The following LRCH1 variants were observed in gnomAD, a reference collection of about 807,000 sequenced individuals.
LRCH1 encodes leucine-rich repeat and calponin homology domain-containing protein 1.
A neutral mutation model predicts 94.9 loss-of-function variants in LRCH1; 23 were observed. The observed-to-expected ratio is 0.24, with a 90% CI of 0.17 to 0.34. The LOEUF (loss-of-function observed/expected upper bound fraction) is 0.34, where lower values mean the gene tolerates loss of function less well. LRCH1 is among the 10% of genes least tolerant of loss of function. The probability of loss-of-function intolerance (pLI) is 1.00; values close to 1 mark genes in which losing one functional copy is unlikely to be tolerated. For synonymous variants in LRCH1, 364 were observed against 354.9 expected (o/e 1.03, Z -0.29); for missense variants, 790 against 945.9 (o/e 0.84, Z 2.16).
In LRCH1 at chr13:46,573,845, A is replaced by AATATATATATATATATATATATAT. The variant is rs1555269134; in HGVS notation, c.307+20164_307+20165insATATATATATATATATATATATAT. On this transcript the variant is annotated intron_variant, in intron 1 of 19. Transcript: ENST00000389797. ...TAGCACAACAGGGTGACTATAGTCA[A>AATATATATATATATATATATATAT]ATATATATATATATATATATATTTT... is the stretch of plus-strand genomic sequence containing the variant. Among the ~76,000 whole-genome samples, 134 of 77,886 alleles carry AATATATATATATATATATATATAT rather than the reference A, an allele frequency of 1.7e-3. 3 individuals carry two copies. Among genetic ancestry groups the AATATATATATATATATATATATAT allele is most frequent in the Middle Eastern group, 7.4e-3 (1 of 136 alleles). The allele number at this position is 77,886 out of a possible 152,430, so 51.1% of individuals were successfully genotyped here.
At chr13:46,666,643 A>T (rs2051520211) in intron 2 of LRCH1, among the ~76,000 whole-genome samples, 1 of 152,258 alleles carries the variant, frequency 6.6e-6, no homozygotes, top group Admixed American at 6.5e-5. Context: ...CCAAATAAAT[A>T]GACTTGCCTT....
intron 1 of LRCH1, among the ~76,000 whole-genome samples, chr13:46,566,601 G>A (rs2050187283): frequency 6.6e-6 from 1 of 152,112 alleles, no homozygotes; most frequent in Non-Finnish European, 1.5e-5. Flanking sequence ...TTGTAAGCCA[G>A]TAGTAAGACA....
chr13:46,719,722 G>C (rs553036603), intron 16 of LRCH1, among the ~76,000 whole-genome samples: 1 of 152,328 alleles, frequency 6.6e-6, no homozygotes, highest in Admixed American at 6.5e-5. Flanking sequence ...TTTATGCTGG[G>C]TGCAGTAGCT....
chr13:46,574,821 G>GT lies in LRCH1; in HGVS notation c.307+21118_307+21119insT, dbSNP rs1566151493. Among the ~76,000 whole-genome samples the GT allele has an allele frequency of 1.1e-3, 149 of 134,494 alleles. 1 individual carries two copies. The highest frequency in any genetic ancestry group is 4.4e-3 in the South Asian group (19 of 4,294). 88.2% of individuals were successfully genotyped at this position (134,494 alleles called of 152,430 possible). A position where few individuals can be genotyped will look rare whatever the true frequency, so the allele number is the denominator to read the frequency against. The stretch of plus-strand genomic sequence containing the variant: ...TTGTCTGGCATTTATTTGTGTGTGG[G>GT]GTTTTTTTTTTTTTTTTTTTTTTTT... On this transcript the variant is annotated intron_variant, in intron 1 of 19. Coordinates refer to ENST00000389797, the MANE Select transcript of LRCH1 (RefSeq NM_001164211.2).
At position 46,744,616 on chromosome 13, in the gene LRCH1, G is replaced by C; in HGVS notation, c.*2768G>C. 1.0e-6 allele frequency: 1 copy of C among 985,412 alleles called. No homozygotes were observed. The highest frequency in any genetic ancestry group is 1.2e-6 in the Non-Finnish European group (1 of 829,930). 61.0% of individuals were successfully genotyped at this position (985,412 alleles called of 1,614,324 possible). A position where few individuals can be genotyped will look rare whatever the true frequency, so the allele number is the denominator to read the frequency against. On this transcript the variant is annotated 3_prime_UTR_variant, in exon 20 of 20. Transcript: ENST00000389797. The stretch of plus-strand genomic sequence containing the variant: ...GATAAATAAAGGCACTTGATAGCCT[G>C]CTGCTATTTGTTTGTAAGAAATTAA...
At chr13:46,730,449 C>T (rs937470083) in intron 18 of LRCH1, among the ~76,000 whole-genome samples, 38 of 152,188 alleles carry the variant, frequency 2.5e-4, no homozygotes, top group African/African-American at 8.7e-4. Flanking sequence ...CCTCCGCCCT[C>T]TCCCATCCCC....
chr13:46,609,905 T>C (rs901482979), intron 1 of LRCH1, among the ~76,000 whole-genome samples: 5 of 152,126 alleles, frequency 3.3e-5, no homozygotes, highest in South Asian at 2.1e-4. Context: ...AGGGGCCCCA[T>C]TGGAAGCGTT....
intron 1 of LRCH1, among the ~76,000 whole-genome samples, chr13:46,577,642 C>T (rs546278407): frequency 6.6e-6 from 1 of 152,258 alleles, no homozygotes; most frequent in Non-Finnish European, 1.5e-5. Context: ...CAGCAACTAG[C>T]TTTTTTTGTA....
At chr13:46,638,632 A>C (rs1156519831) in intron 1 of LRCH1, among the ~76,000 whole-genome samples, 1 of 152,258 alleles carries the variant, frequency 6.6e-6, no homozygotes, top group African/African-American at 2.4e-5. Context: ...AAGTCTTTAA[A>C]AATATACTGA....
intron 3 of LRCH1, among the ~76,000 whole-genome samples, chr13:46,677,631 ACT>A (rs1229790990): frequency 6.6e-6 from 1 of 151,796 alleles, no homozygotes; most frequent in African/African-American, 2.4e-5. Context: ...ACTTCTAGAG[ACT>A]CTTTTTATTG....
chr13:46,710,184 A>T lies in LRCH1; in HGVS notation c.1528-1607A>T, dbSNP rs147759385. Among the ~76,000 whole-genome samples, 69 of 152,226 alleles carry T rather than the reference A, an allele frequency of 4.5e-4. No homozygotes were observed. The East Asian group carries it at 9.6e-3, about 21-fold the overall frequency. On this transcript the variant is annotated intron_variant, in intron 13 of 19. Coordinates refer to ENST00000389797, the MANE Select transcript of LRCH1 (RefSeq NM_001164211.2). ...TTAGATGTTGAAAAATTTGCAGAAG[A>T]AATAAGATGGTCTGCAGTCCTGAGC...
At chr13:46,733,658 A>C (rs1308488388) in intron 18 of LRCH1, among the ~76,000 whole-genome samples, 1 of 152,164 alleles carries the variant, frequency 6.6e-6, no homozygotes, top group Non-Finnish European at 1.5e-5. Context: ...CTATATATAT[A>C]TACATAGGCA....
rs767358647 is a variant in LRCH1 at position 46,681,801 on chromosome 13, C to A, written c.640C>A (p.Arg214=). 1 of 1,613,224 alleles carries A rather than the reference C, an allele frequency of 6.2e-7. No homozygotes were observed. The highest frequency in any genetic ancestry group is 1.3e-5 in the African/African-American group (1 of 74,830). Residue 214 remains arginine, a synonymous_variant, in exon 4 of 20, where the codon CGA becomes AGA. Transcript: ENST00000389797. ...PQQIGQLKSL[R]ELNVRRNYLK... The stretch of plus-strand genomic sequence containing the variant: ...GCAGATAGGTCAGTTGAAATCTCTA[C>A]GAGAACTGAATGTCAGAAGAAATTA...
At chr13:46,683,313 G>A (rs1442707638) in intron 4 of LRCH1, among the ~76,000 whole-genome samples, 1 of 152,188 alleles carries the variant, frequency 6.6e-6, no homozygotes, top group East Asian at 1.9e-4. Context: ...GTTCAAGTCC[G>A]CTTGCCATCT....
chr13:46,619,197 C>T (rs553964275), intron 1 of LRCH1, among the ~76,000 whole-genome samples: 1 of 151,882 alleles, frequency 6.6e-6, no homozygotes, highest in South Asian at 2.1e-4. Context: ...GCAACCTCTG[C>T]CTCCCAGGTT....
At chr13:46,582,218 G>C (rs7330995) in intron 1 of LRCH1, among the ~76,000 whole-genome samples, 3,875 of 150,586 alleles carry the variant, frequency 0.026, 163 homozygotes, top group African/African-American at 0.089. Context: ...TCATGATCTT[G>C]ACAATTTAAA....
At chr13:46,678,067 A>C (rs1041156835) in intron 3 of LRCH1, among the ~76,000 whole-genome samples, 10 of 152,230 alleles carry the variant, frequency 6.6e-5, no homozygotes, top group Admixed American at 4.6e-4. Context: ...ATAAATTCTT[A>C]CTAATTGCCG....
chr13:46,687,999 A>G lies in LRCH1; in HGVS notation c.950+20A>G. 1 of 1,592,344 alleles carries G rather than the reference A, an allele frequency of 6.3e-7. No homozygotes were observed. The highest frequency in any genetic ancestry group is 8.6e-7 in the Non-Finnish European group (1 of 1,168,906). ...AGATGGGTGAGTCATGCCCTCATTCAAAGCCCCAGTTTAAAATTTGCCTAG... is the reference window on the plus strand; with the variant it reads ...AGATGGGTGAGTCATGCCCTCATTCGAAGCCCCAGTTTAAAATTTGCCTAG... On this transcript the variant is annotated intron_variant, in intron 6 of 19. Transcript: ENST00000389797.
At chr13:46,593,371 C>G (rs970168405) in intron 1 of LRCH1, among the ~76,000 whole-genome samples, 2 of 141,890 alleles carry the variant, frequency 1.4e-5, no homozygotes, top group Admixed American at 1.5e-4. Flanking sequence ...TTAACTGGGA[C>G]ATGCCATTCT....
Sources: allele counts gnomAD v4.1 joint callset (sites outside exome capture counted in the v4.1 genomes callset), GRCh38; gene constraint gnomAD v4.1.1; transcripts MANE v1.5; gene names NCBI Gene and HGNC (gene_info 2026-07-23, HGNC 2026-07-21).